CDH23: variants seen among roughly 807,000 people sequenced by gnomAD.
The protein encoded by CDH23 is cadherin-23.
A neutral mutation model predicts 317.1 loss-of-function variants in CDH23; 189 were observed. The observed-to-expected ratio is 0.60, with a 90% CI of 0.53 to 0.67. CDH23 has a LOEUF of 0.67. Ranked by LOEUF, CDH23 falls within the 30% of genes least tolerant of loss-of-function variation. The pLI, the probability that CDH23 is intolerant of heterozygous loss-of-function variation, is 0.00. For synonymous variants in CDH23, 1,839 were observed against 1,876.8 expected (o/e 0.98, Z 0.52); for missense variants, 4,401 against 4,592.4 (o/e 0.96, Z 1.20).
At chr10:71,671,825 G>A (rs1864161301) in intron 14 of CDH23, among the ~76,000 whole-genome samples, 1 of 152,196 alleles carries the variant, frequency 6.6e-6, no homozygotes, top group Admixed American at 6.5e-5. Context: ...TTCCTCACTT[G>A]CAAAAGTGGG....
At chr10:71,615,761 C>A (rs375261987) in intron 10 of CDH23, 145 bp downstream of exon 10, 2 of 630,448 alleles carry the variant, frequency 3.2e-6, no homozygotes, top group African/African-American at 3.6e-5. Context: ...CACTGCCTCC[C>A]GGGGCTGTGC....
In CDH23 at chr10:71,801,192, G is replaced by A. The variant is rs182870299; in HGVS notation, c.7482+437G>A. Among the ~76,000 whole-genome samples, 676 of 89,482 alleles carry A rather than the reference G, an allele frequency of 7.6e-3. 9 individuals are homozygous for A. The Middle Eastern group carries it at 0.091, about 12-fold the overall frequency. 58.7% of individuals were successfully genotyped at this position (89,482 alleles called of 152,430 possible). ...TTTTTTGAGATGGAGTTTCACTCTT[G>A]TTGCCCAGGCTGGAGTGCAATGGCG... On this transcript the variant is annotated intron_variant, in intron 53 of 69. Coordinates refer to ENST00000224721, the MANE Select transcript of CDH23 (RefSeq NM_022124.6).
chr10:71,765,050 C>T (rs751086353), intron 38 of CDH23, among the ~76,000 whole-genome samples: 2 of 152,198 alleles, frequency 1.3e-5, no homozygotes, highest in African/African-American at 4.8e-5. Flanking sequence ...ATGGCTCTGC[C>T]GGGAAACAGA....
chr10:71,525,196 T>C (rs1170236424), intron 6 of CDH23, among the ~76,000 whole-genome samples: 6 of 152,218 alleles, frequency 3.9e-5, no homozygotes, highest in Non-Finnish European at 8.8e-5. Context: ...CGTGAGCCAC[T>C]GTGCCCGGCC....
Position 71,793,357 on chromosome 10 carries a change from G to A in CDH23, c.6429G>A (p.Thr2143=), listed in dbSNP as rs142788731. The A allele has an allele frequency of 1.4e-4, 227 of 1,613,964 alleles. No homozygotes were observed. In the African/African-American group the frequency reaches 2.3e-3, roughly 16 times the overall value. ...AGGAGCAGGAGTCCTACAGGCTAAC[G>A]GTGGTGGCCACCGACCGGGGCACCG... ...DREEQESYRL[T]VVATDRGTVP... is the part of the protein sequence containing the mutation. Residue 2143 remains threonine (T), a synonymous_variant, in exon 48 of 70, where the codon ACG becomes ACA. Coordinates refer to ENST00000224721, the MANE Select transcript of CDH23 (RefSeq NM_022124.6).
chr10:71,592,795 T>C (rs1868002), intron 9 of CDH23, among the ~76,000 whole-genome samples: 106,063 of 152,110 alleles, frequency 0.7, 37,355 homozygotes, highest in African/African-American at 0.78. Context: ...CAGCCCACCA[T>C]AGCATCCGTG....
chr10:71,565,806 C>G (rs1857364876), intron 6 of CDH23, among the ~76,000 whole-genome samples: 1 of 152,152 alleles, frequency 6.6e-6, no homozygotes, highest in African/African-American at 2.4e-5. Context: ...GTAATTAACC[C>G]AAAGACACAC....
intron 48 of CDH23, among the ~76,000 whole-genome samples, chr10:71,795,090 T>C (rs935882355): frequency 6.6e-6 from 1 of 152,188 alleles, no homozygotes; most frequent in Non-Finnish European, 1.5e-5. Flanking sequence ...TTTCCATAAA[T>C]GTAAAATACA....
At chr10:71,798,200 G>A (rs1425777654) in intron 49 of CDH23, among the ~76,000 whole-genome samples, 154 bp from the exon 50 acceptor site, 2 of 151,890 alleles carry the variant, frequency 1.3e-5, no homozygotes, top group Non-Finnish European at 2.9e-5. Context: ...AAAGCCTCCT[G>A]TGCTGCAGCC....
At chr10:71,773,878 A>G (rs1328626352) in intron 38 of CDH23, among the ~76,000 whole-genome samples, 1 of 152,046 alleles carries the variant, frequency 6.6e-6, no homozygotes, top group Admixed American at 6.5e-5. Context: ...AGAGACTTGT[A>G]CCCTACATCC....
At chr10:71,453,028 G>T (rs1850523999) in intron 3 of CDH23, among the ~76,000 whole-genome samples, 1 of 152,166 alleles carries the variant, frequency 6.6e-6, no homozygotes, top group African/African-American at 2.4e-5. Flanking sequence ...GTCCTGCTGG[G>T]TCCCCTCCCC....
In CDH23 at chr10:71,793,762, C is replaced by T. The variant is rs532775461; in HGVS notation, c.6712+122C>T. 324 of 757,288 alleles carry T rather than the reference C, an allele frequency of 4.3e-4. 1 individual carries two copies. Among genetic ancestry groups the T allele is most frequent in the Non-Finnish European group, 6.2e-4 (300 of 481,920 alleles). 46.9% of individuals were successfully genotyped at this position (757,288 alleles called of 1,614,324 possible). On this transcript the variant is annotated intron_variant, in intron 48 of 69. Coordinates refer to ENST00000224721, the MANE Select transcript of CDH23 (RefSeq NM_022124.6). ...TGTTCCCTTGCTACTCTCTTCTCTC[C>T]CCCTCCTCTGGAGGGAAACCAGAAC...
At chr10:71,487,700 A>T (rs972774174) in intron 3 of CDH23, among the ~76,000 whole-genome samples, 1 of 152,202 alleles carries the variant, frequency 6.6e-6, no homozygotes, top group Non-Finnish European at 1.5e-5. Context: ...GAAATAATTC[A>T]TGGTGTGGTT....
intron 9 of CDH23, among the ~76,000 whole-genome samples, chr10:71,591,102 C>T (rs1337983484): frequency 6.6e-6 from 1 of 151,948 alleles, no homozygotes; most frequent in Non-Finnish European, 1.5e-5. Flanking sequence ...TATGAGAAAT[C>T]GCTCCTCCAT....
chr10:71,467,308 C>T (rs1157090309), intron 3 of CDH23, among the ~76,000 whole-genome samples: 1 of 152,146 alleles, frequency 6.6e-6, no homozygotes, highest in South Asian at 2.1e-4. Context: ...CTCAGGCTTC[C>T]GTGTGCATGA....
chr10:71,708,191 G>T (rs1333859230), intron 26 of CDH23, among the ~76,000 whole-genome samples: 2 of 152,182 alleles, frequency 1.3e-5, no homozygotes, highest in Non-Finnish European at 2.9e-5. Flanking sequence ...AGGTTTGGGG[G>T]TCAGGAGGCT....
At chr10:71,770,382 G>T (rs1315386872) in intron 38 of CDH23, among the ~76,000 whole-genome samples, 1 of 152,218 alleles carries the variant, frequency 6.6e-6, no homozygotes, top group Non-Finnish European at 1.5e-5. Context: ...GCCATCTTGG[G>T]ATTTAAGCCT....
intron 14 of CDH23, among the ~76,000 whole-genome samples, chr10:71,666,651 T>C (rs1863910455): frequency 6.6e-6 from 1 of 152,152 alleles, no homozygotes; most frequent in Non-Finnish European, 1.5e-5. Flanking sequence ...GGCCATTGGC[T>C]TCTACCTCAC....
chr10:71,415,562 C>T (rs1421388611), intron 1 of CDH23, among the ~76,000 whole-genome samples: 1 of 152,058 alleles, frequency 6.6e-6, no homozygotes, highest in Non-Finnish European at 1.5e-5. Context: ...TTTTAATTTA[C>T]TTCTTAAAAT....
Sources: allele counts gnomAD v4.1 joint callset (sites outside exome capture counted in the v4.1 genomes callset), GRCh38; gene constraint gnomAD v4.1.1; transcripts MANE v1.5; gene names NCBI Gene and HGNC (gene_info 2026-07-23, HGNC 2026-07-21).